Variants in CPNE8 observed in about 807,000 individuals in gnomAD.
CPNE8 encodes copine 8.
A neutral mutation model predicts 81.5 loss-of-function variants in CPNE8; 45 were observed. The ratio of observed to expected loss-of-function variants is 0.55; its 90% confidence interval spans 0.44 to 0.71. CPNE8 has a LOEUF of 0.71. CPNE8 is among the 30% of genes least tolerant of loss of function. CPNE8 has a pLI of 0.00. For missense variants in CPNE8, 594 were observed against 672.1 expected, an observed-to-expected ratio of 0.88 and a Z score of 1.28; for synonymous variants, 252 against 226.3, an observed-to-expected ratio of 1.11 and a Z score of -1.02.
Position 38,654,087 on chromosome 12 carries a change from A to G in CPNE8, c.1507-17T>C. On this transcript the variant is annotated splice_polypyrimidine_tract_variant and intron_variant, in intron 19 of 19. Coordinates refer to ENST00000331366, the MANE Select transcript of CPNE8 (RefSeq NM_153634.3). ...TGGCACAAACTAAAACAGAGACGAA[A>G]GAAAGTTATTTCACAGACTTTAGCA... The G allele has an allele frequency of 6.3e-7, 1 of 1,575,362 alleles. No individual in the cohort carries two copies. The highest frequency in any genetic ancestry group is 8.6e-7 in the Non-Finnish European group (1 of 1,160,340).
chr12:38,901,177 C>T (rs936738851), intron 1 of CPNE8, among the ~76,000 whole-genome samples: 6 of 152,148 alleles, frequency 3.9e-5, no homozygotes, highest in Non-Finnish European at 7.3e-5. Context: ...GCAGAGATCG[C>T]ACCACTGCAC....
intron 3 of CPNE8, among the ~76,000 whole-genome samples, chr12:38,861,266 G>T (rs1284668808): frequency 6.6e-6 from 1 of 152,056 alleles, no homozygotes; most frequent in Non-Finnish European, 1.5e-5. Flanking sequence ...TGTTCAATGG[G>T]TATAAAGTTT....
intron 7 of CPNE8, among the ~76,000 whole-genome samples, chr12:38,775,122 A>C (rs1337947005): frequency 2.0e-5 from 3 of 152,048 alleles, no homozygotes; most frequent in Non-Finnish European, 4.4e-5. Context: ...TATTTGAGAG[A>C]TATAATATAT....
chr12:38,837,667 G>A (rs949722524), intron 5 of CPNE8, among the ~76,000 whole-genome samples: 5 of 152,110 alleles, frequency 3.3e-5, no homozygotes, highest in African/African-American at 1.2e-4. Context: ...GTGGAAGTTA[G>A]AAATGAATGT....
intron 1 of CPNE8, among the ~76,000 whole-genome samples, chr12:38,890,470 G>T (rs1042475732): frequency 3.3e-5 from 5 of 151,950 alleles, no homozygotes; most frequent in African/African-American, 1.2e-4. Flanking sequence ...AGAAAGCATT[G>T]TTTTCCATCT....
intron 6 of CPNE8, among the ~76,000 whole-genome samples, chr12:38,789,375 G>A (rs1194968113): frequency 6.6e-6 from 1 of 151,746 alleles, no homozygotes; most frequent in Non-Finnish European, 1.5e-5. Flanking sequence ...TCAATAAATG[G>A]TAGTGGGAAA....
At chr12:38,843,438 C>T (rs1186276601) in intron 4 of CPNE8, among the ~76,000 whole-genome samples, 2 of 152,078 alleles carry the variant, frequency 1.3e-5, no homozygotes, top group African/African-American at 4.8e-5. Flanking sequence ...TTTTCCCTCT[C>T]TGTTGGGGGG....
At chr12:38,788,020 A>T (rs1310897077) in intron 6 of CPNE8, among the ~76,000 whole-genome samples, 2 of 151,370 alleles carry the variant, frequency 1.3e-5, no homozygotes, top group Middle Eastern at 3.4e-3. Flanking sequence ...TCACTGATAA[A>T]TTCCACCAAA....
intron 6 of CPNE8, among the ~76,000 whole-genome samples, chr12:38,782,318 A>T (rs930347660): frequency 2.0e-5 from 3 of 152,300 alleles, no homozygotes; most frequent in East Asian, 1.9e-4. Context: ...CTCAATTATG[A>T]TTCTTAATTA....
Position 38,905,475 on chromosome 12 carries a change from G to T in CPNE8, c.60C>A (p.Ala20=). Residue 20 remains alanine (A), a synonymous_variant, in exon 1 of 20, where the codon GCC becomes GCA. Transcript: ENST00000331366. ...ACACCTCCACCCGCGTGGCCGGGAT[G>T]GCAGCGCTCAGCTGGTTCAAGTCCC... is the stretch of plus-strand genomic sequence containing the variant. The part of the protein sequence containing the change: ...GIGDLNQLSA[A]IPATRVEVSV... The T allele has an allele frequency of 6.3e-7, 1 of 1,575,880 alleles. No homozygotes were observed.
At position 38,840,014 on chromosome 12, in the gene CPNE8, C is replaced by A. The variant is rs776385443; in HGVS notation, c.291-59G>T. 7.1e-5 allele frequency: 102 copies of A among 1,429,016 alleles called. 1 individual carries two copies. Among genetic ancestry groups the A allele is most frequent in the Middle Eastern group, 3.7e-4 (2 of 5,454 alleles). 88.5% of individuals were successfully genotyped at this position (1,429,016 alleles called of 1,614,324 possible). A position where few individuals can be genotyped will look rare whatever the true frequency, so the allele number is the denominator to read the frequency against. On this transcript the variant is annotated intron_variant, in intron 4 of 19. Transcript: ENST00000331366. Reference sequence around the variant, plus strand: ...CCACAAAATACAGCTAGAAAAAAAACCAGTATTTTCCAAAACACATAAATA... The same window carrying A: ...CCACAAAATACAGCTAGAAAAAAAAACAGTATTTTCCAAAACACATAAATA...
chr12:38,823,818 C>CT lies in CPNE8; in HGVS notation c.407+5560dup, dbSNP rs768972998. On this transcript the variant is annotated intron_variant, in intron 6 of 19. Transcript: ENST00000331366. Reference sequence around the variant, plus strand: ...TTTGCCGAATCCATCACTGAGATCCCTAAAGATAGAAGACATACGACTCTT... The same window carrying CT: ...TTTGCCGAATCCATCACTGAGATCCCTTAAAGATAGAAGACATACGACTCTT... Among the ~76,000 whole-genome samples the CT allele has an allele frequency of 1.1e-4, 16 of 152,112 alleles. No individual in the cohort carries two copies. In the South Asian group the frequency reaches 1.9e-3, roughly 18 times the overall value.
intron 17 of CPNE8, chr12:38,676,269 T>A: frequency 4.1e-6 from 4 of 979,298 alleles, no homozygotes; most frequent in Non-Finnish European, 4.9e-6. Context: ...TCCATTCTTA[T>A]CCTTTCCAAA....
intron 17 of CPNE8, 64 bp downstream of exon 17, chr12:38,677,388 G>C (rs1448335420): frequency 3.5e-6 from 3 of 863,288 alleles, no homozygotes; most frequent in Non-Finnish European, 6.0e-6. Flanking sequence ...ATAGACTCTA[G>C]TCTCTCTCTA....
intron 10 of CPNE8, among the ~76,000 whole-genome samples, chr12:38,731,223 A>G (rs1940823704): frequency 6.6e-6 from 1 of 151,932 alleles, no homozygotes; most frequent in South Asian, 2.1e-4. Flanking sequence ...TAGGAGTGAA[A>G]GCAATATAAC....
chr12:38,663,134 A>T (rs549391157), intron 19 of CPNE8, among the ~76,000 whole-genome samples: 2 of 152,210 alleles, frequency 1.3e-5, no homozygotes, highest in African/African-American at 4.8e-5. Flanking sequence ...AAACTAGACA[A>T]ATGGTATTAT....
intron 1 of CPNE8, among the ~76,000 whole-genome samples, chr12:38,903,318 C>G (rs182682751): frequency 3.3e-5 from 5 of 151,252 alleles, no homozygotes; most frequent in African/African-American, 2.5e-5. Context: ...TATTCAGGTT[C>G]TCTTTCAGGA....
chr12:38,664,631 G>A (rs1000034419), intron 19 of CPNE8, among the ~76,000 whole-genome samples: 4 of 152,014 alleles, frequency 2.6e-5, no homozygotes, highest in African/African-American at 9.7e-5. Flanking sequence ...TTTAATTGAG[G>A]TAAACTGAAT....
rs1416517317 is a variant in CPNE8 at position 38,723,177 on chromosome 12, A to C, written c.914+595T>G. 4.6e-5 allele frequency among the ~76,000 whole-genome samples: 7 copies of C among 152,208 alleles called. No homozygotes were observed. In the East Asian group the frequency reaches 1.3e-3, roughly 29 times the overall value. On this transcript the variant is annotated intron_variant, in intron 13 of 19. Coordinates refer to ENST00000331366, the MANE Select transcript of CPNE8 (RefSeq NM_153634.3). ...GTTAAGAAAAGGAAGAAATAGGTTA[A>C]AATGAGAAGCAAAATTGAAAATACT...
Sources: allele counts gnomAD v4.1 joint callset (sites outside exome capture counted in the v4.1 genomes callset), GRCh38; gene constraint gnomAD v4.1.1; transcripts MANE v1.5; gene names NCBI Gene and HGNC (gene_info 2026-07-23, HGNC 2026-07-21).